Variants in LYRM4 observed in about 807,000 individuals in gnomAD.
LYRM4 encodes LYR motif containing 4, also known as LYR motif-containing protein 4.
Under a neutral mutation model 11.7 loss-of-function variants are expected in LYRM4, and 9 were observed. The observed-to-expected ratio is 0.77, with a 90% CI of 0.46 to 1.34. LYRM4 has a LOEUF of 1.34. Among genes scored for constraint, LYRM4 ranks in the 40% most tolerant of loss-of-function variants. LYRM4 has a pLI of 0.00. For missense variants in LYRM4, 133 were observed against 112.5 expected (o/e 1.18, Z -0.82); for synonymous variants, 42 against 40.4 (o/e 1.04, Z -0.15).
the LYRM4 span, among the ~76,000 whole-genome samples, chr6:5,082,981 A>T: frequency 0.012 from 1,839 of 152,190 alleles, 19 homozygotes; most frequent in Non-Finnish European, 0.019. Flanking sequence ...CCTTCTCAGC[A>T]TTGGCCACAG....
chr6:5,083,025 G>A, the LYRM4 span, among the ~76,000 whole-genome samples: 1 of 152,144 alleles, frequency 6.6e-6, no homozygotes, highest in Non-Finnish European at 1.5e-5. Flanking sequence ...CCCCTCCCAC[G>A]CACTGAGAGC....
chr6:5,131,779 CT>C (rs1359581183), intron 2 of LYRM4, among the ~76,000 whole-genome samples: 1 of 152,174 alleles, frequency 6.6e-6, no homozygotes, highest in Non-Finnish European at 1.5e-5. Context: ...CTGTCCATAG[CT>C]TTTTGCTGTA....
chr6:5,071,347 T>G, the LYRM4 span, among the ~76,000 whole-genome samples: 1 of 152,062 alleles, frequency 6.6e-6, no homozygotes, highest in South Asian at 2.1e-4. Flanking sequence ...TTTAAAAAAT[T>G]TTTTTAAACC....
chr6:5,152,389 C>T (rs971850137), intron 2 of LYRM4, among the ~76,000 whole-genome samples: 1 of 152,202 alleles, frequency 6.6e-6, no homozygotes, highest in Non-Finnish European at 1.5e-5. Context: ...GAATGACACA[C>T]ATGTACTACC....
chr6:5,206,344 G>A (rs977485866), intron 2 of LYRM4, among the ~76,000 whole-genome samples: 4 of 152,176 alleles, frequency 2.6e-5, no homozygotes, highest in Admixed American at 6.5e-5. Flanking sequence ...CTCCTGGCTC[G>A]CTGGGCCAAC....
chr6:5,208,947 T>C (rs1761846900), intron 2 of LYRM4, among the ~76,000 whole-genome samples: 1 of 152,200 alleles, frequency 6.6e-6, no homozygotes, highest in Non-Finnish European at 1.5e-5. Flanking sequence ...AAAAACTTCT[T>C]ATATCCAAAA....
intron 1 of LYRM4, among the ~76,000 whole-genome samples, chr6:5,250,441 A>G (rs1764375357): frequency 1.3e-5 from 2 of 152,160 alleles, no homozygotes; most frequent in South Asian, 2.1e-4. Context: ...TATCTTAAAT[A>G]TTTTCTACTC....
At chr6:5,149,887 C>G (rs2746234) in intron 2 of LYRM4, among the ~76,000 whole-genome samples, 1 of 152,184 alleles carries the variant, frequency 6.6e-6, no homozygotes, top group Non-Finnish European at 1.5e-5. Flanking sequence ...CATGGTACTA[C>G]GTTTGTTACA....
At chr6:5,051,936 T>C in the LYRM4 span, among the ~76,000 whole-genome samples, 2 of 152,152 alleles carry the variant, frequency 1.3e-5, no homozygotes, top group African/African-American at 4.8e-5. Flanking sequence ...TCATGGGAGC[T>C]AATAGACTGA....
At chr6:5,041,454 C>T in the LYRM4 span, among the ~76,000 whole-genome samples, 1 of 152,306 alleles carries the variant, frequency 6.6e-6, no homozygotes, top group South Asian at 2.1e-4. Context: ...TGTAAATGAA[C>T]CTGTTAAATG....
At chr6:5,119,703 T>C (rs1482739368) in intron 2 of LYRM4, among the ~76,000 whole-genome samples, 1 of 145,544 alleles carries the variant, frequency 6.9e-6, no homozygotes, top group Non-Finnish European at 1.5e-5. Context: ...GCAGGAGAAA[T>C]GCTTGAACCT....
chr6:5,115,686 T>G (rs1763086482), intron 2 of LYRM4, among the ~76,000 whole-genome samples: 1 of 152,064 alleles, frequency 6.6e-6, no homozygotes, highest in Admixed American at 6.5e-5. Flanking sequence ...AGAGCCAAGT[T>G]TCAGGAAACT....
chr6:5,119,211 G>A (rs1186332236), intron 2 of LYRM4, among the ~76,000 whole-genome samples: 1 of 152,012 alleles, frequency 6.6e-6, no homozygotes, highest in Non-Finnish European at 1.5e-5. Context: ...GCAGAGTGAT[G>A]AGCAAGTTCA....
chr6:5,044,279 C>T, the LYRM4 span, among the ~76,000 whole-genome samples: 98 of 151,926 alleles, frequency 6.5e-4, 4 homozygotes, highest in South Asian at 0.02. Context: ...TACAGGCGCA[C>T]ACCACCACGC....
At chr6:5,140,215 G>A (rs1445484651) in intron 2 of LYRM4, among the ~76,000 whole-genome samples, 2 of 151,614 alleles carry the variant, frequency 1.3e-5, no homozygotes, top group East Asian at 2.0e-4. Context: ...GCAACAGAGC[G>A]AGACCCTGTC....
chr6:5,073,915 G>T, the LYRM4 span, among the ~76,000 whole-genome samples: 1 of 152,150 alleles, frequency 6.6e-6, no homozygotes, highest in African/African-American at 2.4e-5. Context: ...CGACTGGCTG[G>T]CCTTATACCT....
chr6:5,081,134 CGGGGGGGG>C, the LYRM4 span, among the ~76,000 whole-genome samples: 112,484 of 126,342 alleles, frequency 0.89, 49,541 homozygotes, highest in East Asian at 0.96. Context: ...CACACTTGGG[CGGGGGGGG>C]GGGGGGGGTA....
chr6:5,237,214 C>T (rs976716520), intron 1 of LYRM4, among the ~76,000 whole-genome samples: 2 of 152,188 alleles, frequency 1.3e-5, no homozygotes, highest in African/African-American at 4.8e-5. Context: ...GTATTTATAG[C>T]CACTCCCCAT....
At chr6:5,247,552 G>A (rs1271551772) in intron 1 of LYRM4, among the ~76,000 whole-genome samples, 1 of 152,230 alleles carries the variant, frequency 6.6e-6, no homozygotes, top group Non-Finnish European at 1.5e-5. Flanking sequence ...AGAGTTAACT[G>A]TATAGGGAAA....
Sources: allele counts gnomAD v4.1 joint callset (sites outside exome capture counted in the v4.1 genomes callset), GRCh38; gene constraint gnomAD v4.1.1; transcripts MANE v1.5; gene names NCBI Gene and HGNC (gene_info 2026-07-23, HGNC 2026-07-21).